The following RB1CC1 variants were observed in gnomAD, a reference collection of about 807,000 sequenced individuals.
RB1CC1 encodes the protein RB1-inducible coiled-coil protein 1.
A neutral mutation model predicts 177.5 loss-of-function variants in RB1CC1; 46 were observed. The ratio of observed to expected loss-of-function variants is 0.26; its 90% CI spans 0.20 to 0.33. The LOEUF (loss-of-function observed/expected upper bound fraction) is 0.33. Ranked by LOEUF, RB1CC1 falls within the 10% of genes least tolerant of loss-of-function variation. The pLI, the probability that RB1CC1 is intolerant of heterozygous loss-of-function variation, is 1.00. For synonymous variants in RB1CC1, 666 were observed against 613.6 expected (o/e 1.09, Z -1.26); for missense variants, 1,703 against 1,816.3 (o/e 0.94, Z 1.13).
intron 20 of RB1CC1, among the ~76,000 whole-genome samples, chr8:52,631,042 T>C (rs767100167): frequency 7.9e-5 from 12 of 152,178 alleles, no homozygotes; most frequent in Non-Finnish European, 1.8e-4. Flanking sequence ...CCTTCCCCTA[T>C]TGGCTGGGGT....
At chr8:52,649,373 A>G (rs533506108) in intron 15 of RB1CC1, among the ~76,000 whole-genome samples, 1 of 152,212 alleles carries the variant, frequency 6.6e-6, no homozygotes, top group Non-Finnish European at 1.5e-5. Flanking sequence ...TTTTCCCACC[A>G]TTAAAATGTC....
At chr8:52,696,406 G>A (rs1855416489) in intron 1 of RB1CC1, among the ~76,000 whole-genome samples, 2 of 152,166 alleles carry the variant, frequency 1.3e-5, no homozygotes, top group Admixed American at 1.3e-4. Flanking sequence ...AGTAGAAAAT[G>A]TACCAATCAC....
chr8:52,634,993 T>C (rs775372319), intron 19 of RB1CC1, 25 bp from the exon 20 acceptor site: 1 of 1,588,044 alleles, frequency 6.3e-7, no homozygotes, highest in Non-Finnish European at 8.6e-7. Flanking sequence ...AAGAGACCTG[T>C]GGTTTATCCT....
rs1590992608 is a variant in RB1CC1, at chr8:52,657,567, T to C, written c.2262A>G (p.Pro754=). The C allele has an allele frequency of 6.2e-7, 1 of 1,614,074 alleles. No homozygotes were observed. Among genetic ancestry groups the C allele is most frequent in the East Asian group, 2.2e-5 (1 of 44,850 alleles). The part of the protein sequence containing the change: ...NLSSPNPISD[P]QSPEMMVESL... ...ATTCCACCATCATTTCTGGGCTTTG[T>C]GGATCACTTATAGGATTAGGAGACG... Residue 754 remains proline (P), a synonymous_variant, in exon 15 of 24, where the codon CCA becomes CCG. Transcript: ENST00000025008.
chr8:52,669,194 C>T (rs1745574512), intron 7 of RB1CC1, among the ~76,000 whole-genome samples: 1 of 152,148 alleles, frequency 6.6e-6, no homozygotes, highest in South Asian at 2.1e-4. Context: ...CCTCAAATGA[C>T]TTTCTTCTGC....
intron 1 of RB1CC1, among the ~76,000 whole-genome samples, chr8:52,689,522 A>T (rs1180749072): frequency 6.6e-6 from 1 of 152,170 alleles, no homozygotes; most frequent in Non-Finnish European, 1.5e-5. Context: ...TATGACTTTT[A>T]GGGCAGCAGC....
intron 7 of RB1CC1, among the ~76,000 whole-genome samples, chr8:52,670,168 C>A (rs1316972914): frequency 6.6e-6 from 1 of 152,128 alleles, no homozygotes; most frequent in Non-Finnish European, 1.5e-5. Flanking sequence ...TGGGCTCAGG[C>A]AATGGACTCC....
intron 8 of RB1CC1, among the ~76,000 whole-genome samples, chr8:52,663,522 G>C (rs544089742): frequency 2.6e-5 from 4 of 152,100 alleles, no homozygotes; most frequent in African/African-American, 7.2e-5. Context: ...CTTTTAATTG[G>C]GAGTGGTTTT....
chr8:52,701,459 A>G (rs1174785163), intron 1 of RB1CC1, among the ~76,000 whole-genome samples: 3 of 152,118 alleles, frequency 2.0e-5, no homozygotes, highest in Admixed American at 2.0e-4. Flanking sequence ...AGTAAATGGA[A>G]AAAGGAGTTT....
intron 8 of RB1CC1, among the ~76,000 whole-genome samples, chr8:52,662,496 T>C (rs760238106): frequency 1.8e-4 from 27 of 152,104 alleles, no homozygotes; most frequent in Non-Finnish European, 3.5e-4. Context: ...CTACATACTT[T>C]ATTGCTACCA....
intron 1 of RB1CC1, 147 bp downstream of exon 1, chr8:52,713,928 G>C (rs1857278783): frequency 6.0e-6 from 1 of 166,906 alleles, no homozygotes; most frequent in African/African-American, 2.4e-5. Context: ...GAGGCGCCGG[G>C]GCCCTCCCGT....
At chr8:52,650,256 G>T (rs551955438) in intron 15 of RB1CC1, among the ~76,000 whole-genome samples, 1 of 152,254 alleles carries the variant, frequency 6.6e-6, no homozygotes, top group Middle Eastern at 3.4e-3. Flanking sequence ...TTCCCTCCTC[G>T]GTAGGTTCTA....
At chr8:52,641,020 G>A (rs1041777831) in intron 18 of RB1CC1, among the ~76,000 whole-genome samples, 4 of 152,118 alleles carry the variant, frequency 2.6e-5, no homozygotes, top group Non-Finnish European at 5.9e-5. Context: ...GTGGGCAGGG[G>A]TGGGGTACGA....
At chr8:52,635,900 A>T in intron 19 of RB1CC1, 115 bp downstream of exon 19, 2 of 1,302,954 alleles carry the variant, frequency 1.5e-6, no homozygotes, top group Non-Finnish European at 2.1e-6. Flanking sequence ...AGTTAATCAT[A>T]AAAAGGCTTA....
chr8:52,684,663 A>G (rs991280852), intron 3 of RB1CC1, among the ~76,000 whole-genome samples: 1 of 152,192 alleles, frequency 6.6e-6, no homozygotes, highest in African/African-American at 2.4e-5. Context: ...TAACAAACAA[A>G]ATAAACCTAT....
At chr8:52,659,252 C>G (rs971680818) in intron 12 of RB1CC1, among the ~76,000 whole-genome samples, 1 of 152,026 alleles carries the variant, frequency 6.6e-6, no homozygotes, top group Non-Finnish European at 1.5e-5. Flanking sequence ...TACAATATTC[C>G]TATCCTGTAT....
intron 8 of RB1CC1, among the ~76,000 whole-genome samples, chr8:52,667,231 C>T (rs555190746): frequency 1.3e-5 from 2 of 152,102 alleles, no homozygotes; most frequent in African/African-American, 4.8e-5. Flanking sequence ...AAAGGAAATA[C>T]TAAAGGACAT....
Position 52,683,629 on chromosome 8 carries a change from C to G in RB1CC1, c.289G>C (p.Asp97His). The change falls in exon 5 of 24, where the codon GAC becomes CAC. Residue 97 changes from aspartate to histidine, a missense_variant. Physicochemically the swap from Asp to His is moderately conservative, Grantham distance 81. Coordinates refer to ENST00000025008, the MANE Select transcript of RB1CC1 (RefSeq NM_014781.5). ...IPKTTFSTENDMEIKVEESLM... is the reference protein window; with the variant it reads ...IPKTTFSTENHMEIKVEESLM... ...GATTCTTCAACTTTTATTTCCATGTCATTTTCTGTCGAAAAGGTAGTTTTA... is the reference window on the plus strand; with the variant it reads ...GATTCTTCAACTTTTATTTCCATGTGATTTTCTGTCGAAAAGGTAGTTTTA... The G allele has an allele frequency of 6.2e-7, 1 of 1,612,664 alleles. No individual in the cohort carries two copies.
intron 20 of RB1CC1, among the ~76,000 whole-genome samples, chr8:52,631,161 TG>T (rs1848725296): frequency 6.6e-6 from 1 of 152,076 alleles, no homozygotes; most frequent in Non-Finnish European, 1.5e-5. Context: ...GAGAAGGGGA[TG>T]GGGTTGATTT....
Sources: allele counts gnomAD v4.1 joint callset (sites outside exome capture counted in the v4.1 genomes callset), GRCh38; gene constraint gnomAD v4.1.1; transcripts MANE v1.5; gene names NCBI Gene and HGNC (gene_info 2026-07-23, HGNC 2026-07-21).